The following S100Z variants were observed in gnomAD, a reference collection of about 807,000 sequenced individuals.
S100Z encodes the protein protein S100-Z.
Under a neutral mutation model 8.5 loss-of-function variants are expected in S100Z, and 11 were observed. The observed-to-expected ratio is 1.30, with a 90% confidence interval of 0.82 to 2.15. The LOEUF (loss-of-function observed/expected upper bound fraction) is 2.15, where lower values mean the gene tolerates loss of function less well. S100Z is among the 30% of genes most tolerant of loss of function. The probability of loss-of-function intolerance (pLI) is 0.00; values close to 1 mark genes in which losing one functional copy is unlikely to be tolerated. For missense variants in S100Z, 126 were observed against 117.9 expected, an observed-to-expected ratio of 1.07 and a Z score of -0.32; for synonymous variants, 34 against 43.8, an observed-to-expected ratio of 0.78 and a Z score of 0.89.
chr5:76,877,997 A>T, intron 4 of S100Z, 163 bp downstream of exon 4: 1 of 447,862 alleles, frequency 2.2e-6, no homozygotes. Context: ...GTGCCCCTTA[A>T]AATATTGACT....
Position 76,853,021 on chromosome 5 carries a change from C to A in S100Z, c.-176+2866C>A, listed in dbSNP as rs73130984. Among the ~76,000 whole-genome samples, 1,085 of 152,322 alleles carry A rather than the reference C, an allele frequency of 7.1e-3. 14 individuals are homozygous for A. Among genetic ancestry groups the A allele is most frequent in the African/African-American group, 0.025 (1,029 of 41,566 alleles). ...GAGAGGGAATGAAAAGTTCAAACAA[C>A]ATTCATCCCAGAGTCGATTCAAGTC... is the stretch of plus-strand genomic sequence containing the variant. On this transcript the variant is annotated intron_variant, in intron 1 of 4. Coordinates refer to ENST00000317593, the MANE Select transcript of S100Z (RefSeq NM_130772.4).
At chr5:76,872,215 C>G (rs114352780) in intron 2 of S100Z, among the ~76,000 whole-genome samples, 1 of 152,020 alleles carries the variant, frequency 6.6e-6, no homozygotes, top group African/African-American at 2.4e-5. Context: ...CCACTGCACT[C>G]CAGTCTGGGT....
At position 76,876,523 on chromosome 5, in the gene S100Z, G is replaced by A. The variant is rs549532854; in HGVS notation, c.141+1023G>A. Among the ~76,000 whole-genome samples the A allele has an allele frequency of 3.3e-5, 5 of 151,926 alleles. No homozygotes were observed. The South Asian group carries it at 6.2e-4, about 19-fold the overall frequency. ...AACTGGGATTACAGGCATGCACCACGACACCCAGCTAAGTTTTTTGTATTT... is the reference window on the plus strand; with the variant it reads ...AACTGGGATTACAGGCATGCACCACAACACCCAGCTAAGTTTTTTGTATTT... On this transcript the variant is annotated intron_variant, in intron 3 of 4. Transcript: ENST00000317593.
chr5:76,862,797 T>A (rs1172948500), intron 1 of S100Z, among the ~76,000 whole-genome samples: 1 of 151,752 alleles, frequency 6.6e-6, no homozygotes, highest in Non-Finnish European at 1.5e-5. Flanking sequence ...GTGAGACTTG[T>A]GACCCCATCG....
At chr5:76,887,432 G>A (rs536215213) in intron 4 of S100Z, among the ~76,000 whole-genome samples, 130 of 116,848 alleles carry the variant, frequency 1.1e-3, no homozygotes, top group Non-Finnish European at 1.7e-3. Flanking sequence ...ATGAGGTCTC[G>A]CTCTGTGCCC....
chr5:76,858,496 C>T (rs111769834), intron 1 of S100Z, among the ~76,000 whole-genome samples: 4,400 of 151,074 alleles, frequency 0.029, 100 homozygotes, highest in Non-Finnish European at 0.044. Context: ...ACATTCCAGC[C>T]GGGGCAGCAG....
At chr5:76,870,769 G>A (rs1029048532) in intron 2 of S100Z, among the ~76,000 whole-genome samples, 7 of 152,094 alleles carry the variant, frequency 4.6e-5, no homozygotes, top group African/African-American at 1.7e-4. Flanking sequence ...AATTATAGGA[G>A]TAGCTGAGAC....
In S100Z at chr5:76,921,015, C is replaced by G. The variant is rs1176168333; in HGVS notation, c.*301C>G. 2 of 152,140 alleles carry G rather than the reference C, an allele frequency of 1.3e-5. No homozygotes were observed. The highest frequency in any genetic ancestry group is 1.9e-4 in the East Asian group (1 of 5,200). 9.4% of individuals were successfully genotyped at this position (152,140 alleles called of 1,614,324 possible). A position where few individuals can be genotyped will look rare whatever the true frequency, so the allele number is the denominator to read the frequency against. On this transcript the variant is annotated 3_prime_UTR_variant, in exon 5 of 5. Transcript: ENST00000317593. ...TTCCACAAAAAAGAAAAATCTTTTA[C>G]CATTTCTCATTAAAAAAGTAATATA...
chr5:76,869,716 T>G (rs1488051984), intron 1 of S100Z, among the ~76,000 whole-genome samples: 2 of 152,122 alleles, frequency 1.3e-5, no homozygotes, highest in African/African-American at 4.8e-5. Flanking sequence ...TGGACCAGTT[T>G]AGCTGGTATT....
At chr5:76,914,353 G>A (rs1185513247) in intron 4 of S100Z, among the ~76,000 whole-genome samples, 3 of 94,538 alleles carry the variant, frequency 3.2e-5, no homozygotes, top group East Asian at 5.6e-4. Flanking sequence ...TCAGAGCTCT[G>A]TGTCTAGCTA....
the S100Z span, among the ~76,000 whole-genome samples, chr5:76,930,196 G>T: frequency 3.9e-5 from 6 of 152,218 alleles, no homozygotes; most frequent in South Asian, 1.0e-3. Context: ...TCCTAAATTC[G>T]TCTGTGCTAC....
chr5:76,934,988 C>T, the S100Z span, among the ~76,000 whole-genome samples: 5 of 152,142 alleles, frequency 3.3e-5, no homozygotes, highest in East Asian at 1.9e-4. Flanking sequence ...TGAAAAGATA[C>T]ATCTCTTATA....
chr5:76,877,694 G>T lies in S100Z; in HGVS notation c.162G>T (p.Leu54Phe), dbSNP rs543080363. 1 of 1,607,044 alleles carries T rather than the reference G, an allele frequency of 6.2e-7. No individual in the cohort carries two copies. The highest frequency in any genetic ancestry group is 1.3e-5 in the African/African-American group (1 of 74,890). Residue 54 changes from leucine to phenylalanine, a missense_variant, in exon 4 of 5, where the codon TTG becomes TTT. Physicochemically the swap from Leu to Phe is conservative, Grantham distance 22. Coordinates refer to ENST00000317593, the MANE Select transcript of S100Z (RefSeq NM_130772.4). ...TTTAGTGCCAAAAGGAAACCCAGTTGGTTGATAAGATAGTGCAGGACCTGG... is the reference window on the plus strand; with the variant it reads ...TTTAGTGCCAAAAGGAAACCCAGTTTGTTGATAAGATAGTGCAGGACCTGG... ...EFLSCQKETQLVDKIVQDLDA... is the reference protein window; with the variant it reads ...EFLSCQKETQFVDKIVQDLDA...
chr5:76,941,197 T>A, the S100Z span, among the ~76,000 whole-genome samples: 1 of 152,202 alleles, frequency 6.6e-6, no homozygotes, highest in African/African-American at 2.4e-5. Flanking sequence ...TTTGACATAG[T>A]GAATTGGGGC....
chr5:76,877,879 T>G (rs1354654087), intron 4 of S100Z, 45 bp downstream of exon 4: 1 of 1,354,838 alleles, frequency 7.4e-7, no homozygotes, highest in Admixed American at 1.7e-5. Flanking sequence ...TCCAAAGTTA[T>G]GTACTTAATG....
At chr5:76,869,005 G>T (rs1385744221) in intron 1 of S100Z, among the ~76,000 whole-genome samples, 1 of 152,096 alleles carries the variant, frequency 6.6e-6, no homozygotes, top group Non-Finnish European at 1.5e-5. Flanking sequence ...ATTTTTATGT[G>T]GAATAAAGGC....
At chr5:76,873,579 T>C (rs964592610) in intron 2 of S100Z, among the ~76,000 whole-genome samples, 1 of 152,134 alleles carries the variant, frequency 6.6e-6, no homozygotes, top group Admixed American at 6.5e-5. Flanking sequence ...ATTACAGGAT[T>C]GAGCCACTGT....
At chr5:76,926,691 G>T in the S100Z span, among the ~76,000 whole-genome samples, 4 of 152,324 alleles carry the variant, frequency 2.6e-5, no homozygotes, top group East Asian at 7.7e-4. Flanking sequence ...ACAGAAAGAT[G>T]AGAAAGCAAA....
intron 2 of S100Z, among the ~76,000 whole-genome samples, chr5:76,874,989 G>C (rs1814969): frequency 6.6e-6 from 1 of 151,870 alleles, no homozygotes; most frequent in African/African-American, 2.4e-5. Flanking sequence ...GGTTCACGCC[G>C]TTCTCCTGCC....
Sources: allele counts gnomAD v4.1 joint callset (sites outside exome capture counted in the v4.1 genomes callset), GRCh38; gene constraint gnomAD v4.1.1; transcripts MANE v1.5; gene names NCBI Gene and HGNC (gene_info 2026-07-23, HGNC 2026-07-21).